FAT3: variants seen among roughly 807,000 people sequenced by gnomAD.
FAT3 encodes the protein protocadherin Fat 3.
Under a neutral mutation model 310.2 loss-of-function variants are expected in FAT3, and 95 were observed. The observed-to-expected ratio is 0.31, with a 90% CI of 0.26 to 0.36. The LOEUF (loss-of-function observed/expected upper bound fraction) is 0.36. Among genes scored for constraint, FAT3 ranks in the 10% least tolerant of loss-of-function variants. The pLI is 1.00. For synonymous variants in FAT3, 2,314 were observed against 2,192.9 expected (o/e 1.06, Z -1.54); for missense variants, 5,408 against 5,715.6 (o/e 0.95, Z 1.74).
At chr11:92,702,401 C>T (rs1323611564) in intron 4 of FAT3, among the ~76,000 whole-genome samples, 1 of 152,202 alleles carries the variant, frequency 6.6e-6, no homozygotes, top group Non-Finnish European at 1.5e-5. Context: ...AGGAAGAAGG[C>T]ATGCTCGGCT....
chr11:92,343,994 A>G (rs377203750), intron 1 of FAT3, among the ~76,000 whole-genome samples: 15 of 152,318 alleles, frequency 9.8e-5, no homozygotes, highest in African/African-American at 3.6e-4. Flanking sequence ...GGGGAAAGAA[A>G]GGAATTCATG....
intron 3 of FAT3, among the ~76,000 whole-genome samples, chr11:92,543,013 T>C (rs889896249): frequency 6.6e-6 from 1 of 152,120 alleles, no homozygotes; most frequent in Admixed American, 6.6e-5. Context: ...AATGAAATCC[T>C]GTCATTTGCA....
At chr11:92,780,364 C>T (rs925851566) in intron 7 of FAT3, among the ~76,000 whole-genome samples, 10 of 151,982 alleles carry the variant, frequency 6.6e-5, no homozygotes, top group Non-Finnish European at 1.3e-4. Context: ...GTTTTTACCA[C>T]GTTGCCCAAG....
chr11:92,652,517 C>T (rs938643100), intron 3 of FAT3, among the ~76,000 whole-genome samples: 1 of 152,168 alleles, frequency 6.6e-6, no homozygotes, highest in African/African-American at 2.4e-5. Flanking sequence ...GAGCTACAAA[C>T]AAGGCTTTGA....
intron 1 of FAT3, among the ~76,000 whole-genome samples, chr11:92,327,654 C>T (rs1000588412): frequency 2.0e-5 from 3 of 152,196 alleles, no homozygotes; most frequent in Non-Finnish European, 2.9e-5. Context: ...TGACTCCACA[C>T]ATGTTTAAAA....
At chr11:92,563,745 G>A (rs589739) in intron 3 of FAT3, among the ~76,000 whole-genome samples, 60,419 of 151,830 alleles carry the variant, frequency 0.4, 12,576 homozygotes, top group Middle Eastern at 0.53. Context: ...ACATTCTTAA[G>A]GAAAAGAATT....
intron 2 of FAT3, among the ~76,000 whole-genome samples, chr11:92,365,847 T>C (rs1489757323): frequency 6.6e-6 from 1 of 152,204 alleles, no homozygotes; most frequent in Non-Finnish European, 1.5e-5. Context: ...ATGGCTTATT[T>C]TCTGATGACC....
At chr11:92,568,476 G>T (rs1955554524) in intron 3 of FAT3, among the ~76,000 whole-genome samples, 1 of 152,110 alleles carries the variant, frequency 6.6e-6, no homozygotes, top group Admixed American at 6.6e-5. Flanking sequence ...GCCTCACGGG[G>T]ATTGATGCTA....
chr11:92,284,807 G>A (rs923624903), intron 1 of FAT3, among the ~76,000 whole-genome samples: 1 of 152,102 alleles, frequency 6.6e-6, no homozygotes, highest in Non-Finnish European at 1.5e-5. Flanking sequence ...CCAGACTGTC[G>A]CATGCTTCTT....
At chr11:92,308,422 T>A (rs142577464) in intron 1 of FAT3, among the ~76,000 whole-genome samples, 2,008 of 152,298 alleles carry the variant, frequency 0.013, 56 homozygotes, top group African/African-American at 0.045. Context: ...TGTTGTTTTA[T>A]CTCTGGGCTA....
Position 92,416,219 on chromosome 11 carries a change from C to CA in FAT3, c.3292+60831dup, listed in dbSNP as rs34393360. On this transcript the variant is annotated intron_variant, in intron 2 of 27. Coordinates refer to ENST00000525166, the MANE Select transcript of FAT3 (RefSeq NM_001367949.2). Reference sequence around the variant, plus strand: ...TGAAACCCCATCTCTACTAAAGATACAAAAAAAAAAAAAAAATAGCCAGGT... The same window carrying CA: ...TGAAACCCCATCTCTACTAAAGATACAAAAAAAAAAAAAAAAATAGCCAGGT... Among the ~76,000 whole-genome samples, 369 of 131,348 alleles carry CA rather than the reference C, an allele frequency of 2.8e-3. 3 individuals are homozygous for CA. The highest frequency in any genetic ancestry group is 4.2e-3 in the Non-Finnish European group (255 of 61,298). The allele number at this position is 131,348 out of a possible 152,430, so 86.2% of individuals were successfully genotyped here.
chr11:92,626,464 C>T (rs966356888), intron 3 of FAT3, among the ~76,000 whole-genome samples: 4 of 149,752 alleles, frequency 2.7e-5, no homozygotes, highest in Non-Finnish European at 5.9e-5. Flanking sequence ...ATTGGCGTAG[C>T]GTATCTCTTT....
chr11:92,386,403 C>T (rs1356940910), intron 2 of FAT3, among the ~76,000 whole-genome samples: 2 of 152,102 alleles, frequency 1.3e-5, no homozygotes, highest in Non-Finnish European at 1.5e-5. Flanking sequence ...ATTCAATAAA[C>T]GATTGTTGAA....
Position 92,254,731 on chromosome 11 carries a change from G to A in FAT3, c.-18+29557G>A, listed in dbSNP as rs562617910. Among the ~76,000 whole-genome samples the A allele has an allele frequency of 1.1e-4, 16 of 152,138 alleles. No individual in the cohort carries two copies. In the South Asian group the frequency reaches 3.3e-3, roughly 32 times the overall value. Reference sequence around the variant, plus strand: ...TATTATTATTATTTTTTGAGGTGGAGTTTCACTCTTGTCACCCAGGTTGGA... The same window carrying A: ...TATTATTATTATTTTTTGAGGTGGAATTTCACTCTTGTCACCCAGGTTGGA... On this transcript the variant is annotated intron_variant, in intron 1 of 27. Coordinates refer to ENST00000525166, the MANE Select transcript of FAT3 (RefSeq NM_001367949.2).
chr11:92,442,100 TATATATATA>T (rs1178727609), intron 2 of FAT3, among the ~76,000 whole-genome samples: 11 of 58,306 alleles, frequency 1.9e-4, no homozygotes, highest in Admixed American at 6.5e-4. Flanking sequence ...TATATATATA[TATATATATA>T]TATTTTTTTT....
intron 13 of FAT3, among the ~76,000 whole-genome samples, chr11:92,818,931 GTTAC>G (rs1264733671): frequency 1.3e-5 from 2 of 152,344 alleles, no homozygotes; most frequent in South Asian, 2.1e-4. Context: ...GGCAAGCTCA[GTTAC>G]TTAATAAGAA....
intron 2 of FAT3, among the ~76,000 whole-genome samples, chr11:92,465,171 A>G (rs549457137): frequency 6.6e-6 from 1 of 152,288 alleles, no homozygotes; most frequent in South Asian, 2.1e-4. Flanking sequence ...GGACAGGAGA[A>G]AGGTGCTGAA....
chr11:92,656,678 G>C (rs932395296), intron 3 of FAT3, among the ~76,000 whole-genome samples: 4 of 152,130 alleles, frequency 2.6e-5, no homozygotes, highest in Admixed American at 2.6e-4. Flanking sequence ...AATGGTTTCT[G>C]TGTAAAAAAT....
At chr11:92,752,517 T>C (rs1207344073) in intron 4 of FAT3, among the ~76,000 whole-genome samples, 1 of 152,240 alleles carries the variant, frequency 6.6e-6, no homozygotes, top group Non-Finnish European at 1.5e-5. Context: ...TTTTAATGCA[T>C]GTTACCTGTT....
Sources: gnomAD v4.1 joint callset for allele counts (sites outside exome capture counted in the v4.1 genomes callset) on GRCh38, gnomAD v4.1.1 for gene constraint, MANE v1.5 for transcripts, NCBI Gene and HGNC (gene_info 2026-07-23, HGNC 2026-07-21) for gene names.